The following MEIG1 variants were observed in gnomAD, a reference collection of about 807,000 sequenced individuals.
MEIG1 encodes meiosis/spermiogenesis associated 1.
A neutral mutation model predicts 11.3 loss-of-function variants in MEIG1; 12 were observed. The ratio of observed to expected loss-of-function variants is 1.07; its 90% CI spans 0.68 to 1.73. The LOEUF (loss-of-function observed/expected upper bound fraction) is 1.73. MEIG1 is among the 40% of genes most tolerant of loss of function. MEIG1 has a pLI of 0.00. For missense variants in MEIG1, 119 were observed against 104.9 expected (o/e 1.13, Z -0.59); for synonymous variants, 41 against 33.2 (o/e 1.24, Z -0.81).
chr10:14,956,066 C>T (rs1842944669), upstream of MEIG1, among the ~76,000 whole-genome samples: 1 of 152,180 alleles, frequency 6.6e-6, no homozygotes, highest in South Asian at 2.1e-4. Context: ...TATTTATCTC[C>T]TCCTCTTTCC....
At chr10:14,982,003 A>G (rs1482765390) in intron 1 of MEIG1, among the ~76,000 whole-genome samples, 2 of 152,082 alleles carry the variant, frequency 1.3e-5, no homozygotes, top group Non-Finnish European at 2.9e-5. Flanking sequence ...ATTGTGATGT[A>G]TTCACCCCTG....
chr10:14,972,607 A>T lies in MEIG1; in HGVS notation c.233A>T (p.Lys78Ile). The change falls in exon 3 of 3, where the codon AAA becomes ATA. Residue 78 changes from lysine (K) to isoleucine (I), a missense_variant. Coordinates refer to ENST00000407572, the MANE Select transcript of MEIG1 (RefSeq NM_001080836.3). ...AACAAACAGAGGGAATGTGATGACAAAGAAGTCCACAAAGTGAAAATTTAT... is the reference window on the plus strand; with the variant it reads ...AACAAACAGAGGGAATGTGATGACATAGAAGTCCACAAAGTGAAAATTTAT... The part of the protein sequence containing the change: ...YYNKQRECDD[K>I]EVHKVKIYAY 1 of 1,612,694 alleles carries T rather than the reference A, an allele frequency of 6.2e-7. No individual in the cohort carries two copies. Among genetic ancestry groups the T allele is most frequent in the Non-Finnish European group, 8.5e-7 (1 of 1,179,446 alleles).
At chr10:14,971,236 T>TAATAATAATAATAATAATAATAATAAC in intron 2 of MEIG1, among the ~76,000 whole-genome samples, 1 of 148,252 alleles carries the variant, frequency 6.7e-6, no homozygotes, top group African/African-American at 2.5e-5. Flanking sequence ...ATAATAATAA[T>TAATAATAATAATAATAATAATAATAAC]AACAACAATA....
downstream of MEIG1, among the ~76,000 whole-genome samples, chr10:14,977,050 C>G (rs1044743010): frequency 6.6e-6 from 1 of 151,904 alleles, no homozygotes; most frequent in Non-Finnish European, 1.5e-5. Context: ...TCCTAATGTC[C>G]TAGCGCAATT....
chr10:14,975,890 G>T (rs1316367448), downstream of MEIG1, among the ~76,000 whole-genome samples: 1 of 152,130 alleles, frequency 6.6e-6, no homozygotes, highest in African/African-American at 2.4e-5. Flanking sequence ...CCGTGATATT[G>T]TTCTTAATAT....
At chr10:14,971,435 C>T (rs1055518181) in intron 2 of MEIG1, among the ~76,000 whole-genome samples, 10 of 151,526 alleles carry the variant, frequency 6.6e-5, no homozygotes, top group African/African-American at 1.7e-4. Context: ...TCTAACTACT[C>T]GGGAGGCAGA....
chr10:14,957,015 C>T (rs1842959262), upstream of MEIG1, among the ~76,000 whole-genome samples: 1 of 152,168 alleles, frequency 6.6e-6, no homozygotes, highest in Non-Finnish European at 1.5e-5. Context: ...GATGGCACCA[C>T]TGCACTCCAG....
intron 1 of MEIG1, among the ~76,000 whole-genome samples, chr10:14,965,598 GT>G (rs1350184011): frequency 1.3e-5 from 2 of 151,626 alleles, no homozygotes; most frequent in Non-Finnish European, 2.9e-5. Flanking sequence ...CAATTAAGAA[GT>G]GAAAAAGAAT....
At chr10:14,986,533 T>A (rs946503829) in intron 1 of MEIG1, among the ~76,000 whole-genome samples, 3 of 152,134 alleles carry the variant, frequency 2.0e-5, no homozygotes, top group Non-Finnish European at 4.4e-5. Flanking sequence ...ATTATCCACT[T>A]GTCTTCATTC....
At chr10:14,964,596 TATATATATATATAC>T (rs373311914) in intron 1 of MEIG1, among the ~76,000 whole-genome samples, 29 of 123,768 alleles carry the variant, frequency 2.3e-4, no homozygotes, top group African/African-American at 4.4e-4. Flanking sequence ...TATATATATA[TATATATATATATAC>T]ACACACACAC....
chr10:14,961,668 C>T (rs144468607), intron 1 of MEIG1, among the ~76,000 whole-genome samples: 425 of 39,046 alleles, frequency 0.011, no homozygotes, highest in African/African-American at 0.029. Flanking sequence ...TTAGTAGAGA[C>T]AGGTTTTCAC....
intron 1 of MEIG1, among the ~76,000 whole-genome samples, chr10:14,981,852 CT>C (rs1843268739): frequency 6.6e-6 from 1 of 152,208 alleles, no homozygotes; most frequent in Admixed American, 6.5e-5. Context: ...CCTTCCCTTG[CT>C]TCTTTGGGGG....
intron 1 of MEIG1, among the ~76,000 whole-genome samples, chr10:14,978,593 G>A (rs922766842): frequency 2.6e-5 from 4 of 151,780 alleles, no homozygotes; most frequent in South Asian, 2.1e-4. Context: ...AATATCCTAC[G>A]GGGATGTTAC....
downstream of MEIG1, among the ~76,000 whole-genome samples, chr10:14,974,711 T>C (rs942892529): frequency 3.9e-5 from 6 of 152,210 alleles, no homozygotes; most frequent in Middle Eastern, 3.4e-3. Context: ...AGAGTTATAC[T>C]CACGATAACA....
chr10:14,969,754 T>G (rs1843128649), intron 2 of MEIG1, among the ~76,000 whole-genome samples: 2 of 152,144 alleles, frequency 1.3e-5, no homozygotes, highest in African/African-American at 4.8e-5. Context: ...GAGAATCACT[T>G]GAACCCGGGA....
In MEIG1 at chr10:14,972,642, C is replaced by G. The variant is rs1339264790; in HGVS notation, c.*1C>G. ...CAAAGTGAAAATTTATGCTTACTAGCCTGTCTTCTTTGTATTACTTGTCAA... is the reference window on the plus strand; with the variant it reads ...CAAAGTGAAAATTTATGCTTACTAGGCTGTCTTCTTTGTATTACTTGTCAA... On this transcript the variant is annotated 3_prime_UTR_variant, in exon 3 of 3. Coordinates refer to ENST00000407572, the MANE Select transcript of MEIG1 (RefSeq NM_001080836.3). 2 of 1,600,138 alleles carry G rather than the reference C, an allele frequency of 1.2e-6. No homozygotes were observed. Among genetic ancestry groups the G allele is most frequent in the African/African-American group, 1.3e-5 (1 of 74,262 alleles).
At chr10:14,979,581 T>C (rs959488323) in intron 1 of MEIG1, among the ~76,000 whole-genome samples, 1 of 151,936 alleles carries the variant, frequency 6.6e-6, no homozygotes, top group Admixed American at 6.6e-5. Context: ...ACTTTTAAAA[T>C]CACAGGGGCT....
At chr10:14,985,441 C>T (rs959234770) in intron 1 of MEIG1, among the ~76,000 whole-genome samples, 1 of 152,030 alleles carries the variant, frequency 6.6e-6, no homozygotes, top group Non-Finnish European at 1.5e-5. Flanking sequence ...CTCCTAATGT[C>T]ATATGGGATG....
intron 1 of MEIG1, among the ~76,000 whole-genome samples, chr10:14,964,705 C>T (rs559648864): frequency 3.4e-5 from 5 of 147,318 alleles, no homozygotes; most frequent in South Asian, 2.2e-4. Context: ...GCAACCTCCA[C>T]CTCCTGGGTT....
Sources: allele counts gnomAD v4.1 joint callset (sites outside exome capture counted in the v4.1 genomes callset), GRCh38; gene constraint gnomAD v4.1.1; transcripts MANE v1.5; gene names NCBI Gene and HGNC (gene_info 2026-07-23, HGNC 2026-07-21).